The following CHRM1 variants were observed in gnomAD, a reference collection of about 807,000 sequenced individuals.
CHRM1 encodes the protein cholinergic receptor muscarinic 1, also known as muscarinic acetylcholine receptor M1.
A neutral mutation model predicts 31.6 loss-of-function variants in CHRM1; 5 were observed. That is an observed-to-expected ratio of 0.16 (90% CI 0.08 to 0.33). CHRM1 has a LOEUF of 0.33. CHRM1 is among the 10% of genes least tolerant of loss of function. The probability of loss-of-function intolerance (pLI) is 1.00; values close to 1 mark genes in which losing one functional copy is unlikely to be tolerated. For synonymous variants in CHRM1, 227 were observed against 249.7 expected (o/e 0.91, Z 0.86); for missense variants, 338 against 610.3 (o/e 0.55, Z 4.70).
Position 62,909,768 on chromosome 11 carries a change from T to A in CHRM1, c.1333A>T (p.Ile445Phe), listed in dbSNP as rs1291489720. ...CRWDKRRWRKIPKRPGSVHRT... is the reference protein window; with the variant it reads ...CRWDKRRWRKFPKRPGSVHRT... The stretch of plus-strand genomic sequence containing the variant: ...TGCACGGAGCCAGGGCGCTTGGGGA[T>A]CTTGCGCCAGCGTCTCTTGTCCCAG... The change falls in exon 2 of 2, where the codon ATC becomes TTC. Residue 445 changes from isoleucine to phenylalanine, a missense_variant. By Grantham distance (21) the Ile-to-Phe change is conservative. Coordinates refer to ENST00000306960, the MANE Select transcript of CHRM1 (RefSeq NM_000738.3). The A allele has an allele frequency of 4.3e-6, 7 of 1,614,016 alleles. No homozygotes were observed. Among genetic ancestry groups the A allele is most frequent in the Non-Finnish European group, 5.1e-6 (6 of 1,179,976 alleles).
At chr11:62,916,507 G>C (rs2085901137) in intron 1 of CHRM1, among the ~76,000 whole-genome samples, 2 of 152,172 alleles carry the variant, frequency 1.3e-5, no homozygotes, top group Admixed American at 6.5e-5. Flanking sequence ...ACCTCTCCTA[G>C]AGGGGTCCTT....
chr11:62,921,823 C>T (rs900347608), upstream of CHRM1: 1 of 152,360 alleles, frequency 6.6e-6, no homozygotes, highest in Non-Finnish European at 1.5e-5. Flanking sequence ...CGCACCCACC[C>T]ACCCAACTAC....
Position 62,910,579 on chromosome 11 carries a change from T to C in CHRM1, c.522A>G (p.Leu174=). The part of the protein sequence containing the change: ...WQYLVGERTV[L]AGQCYIQFLS... Reference sequence around the variant, plus strand: ...GGAACTGGATGTAGCACTGCCCAGCTAGCACTGTCCGCTCCCCTACCAGGT... The same window carrying C: ...GGAACTGGATGTAGCACTGCCCAGCCAGCACTGTCCGCTCCCCTACCAGGT... The change falls in exon 2 of 2, where the codon CTA becomes CTG. Residue 174 remains leucine (L), a synonymous_variant. Transcript: ENST00000306960. The surrounding 1 kb of genome is among the most constrained non-coding windows in gnomAD (Gnocchi z 8.7). The C allele has an allele frequency of 1.2e-6, 2 of 1,614,166 alleles. No individual in the cohort carries two copies.
At chr11:62,912,212 C>T (rs187508949) in intron 1 of CHRM1, among the ~76,000 whole-genome samples, 73 of 151,764 alleles carry the variant, frequency 4.8e-4, no homozygotes, top group African/African-American at 1.7e-3. Context: ...ACTAAAAATA[C>T]AAAAAATTAG....
intron 1 of CHRM1, among the ~76,000 whole-genome samples, chr11:62,912,085 G>A (rs2085873984): frequency 6.6e-6 from 1 of 152,078 alleles, no homozygotes; most frequent in Non-Finnish European, 1.5e-5. Flanking sequence ...AAGGTCTGGG[G>A]CAGGCCGGCG....
intron 1 of CHRM1, among the ~76,000 whole-genome samples, chr11:62,913,591 A>T (rs912541963): frequency 6.6e-6 from 1 of 151,920 alleles, no homozygotes; most frequent in Non-Finnish European, 1.5e-5. Context: ...GAATTGCTTG[A>T]ACCCAGGAAG....
chr11:62,914,142 C>A (rs923599890), intron 1 of CHRM1, among the ~76,000 whole-genome samples: 12 of 152,062 alleles, frequency 7.9e-5, no homozygotes, highest in African/African-American at 2.9e-4. Flanking sequence ...GACGGGGTTT[C>A]ACAGTGTTAG....
intron 1 of CHRM1, among the ~76,000 whole-genome samples, chr11:62,919,905 T>C (rs78279816): frequency 0.019 from 2,832 of 152,284 alleles, 38 homozygotes; most frequent in Non-Finnish European, 0.028. Flanking sequence ...GAAAGCCTCC[T>C]TTCTAGGTCT....
chr11:62,910,978 T>G lies in CHRM1; in HGVS notation c.123A>C (p.Thr41=). ...TTGLLSLATV[T]GNLLVLISFK... ...AAGAGATGAGTACCAGCAGGTTGCC[T>G]GTCACTGTGGCTAGCGACAGGAGGC... Residue 41 remains threonine (T), a synonymous_variant, in exon 2 of 2, where the codon ACA becomes ACC. Transcript: ENST00000306960. This position sits in a 1 kb window ranked among gnomAD's most constrained non-coding sequence, Gnocchi z 8.7. 1 of 1,614,170 alleles carries G rather than the reference T, an allele frequency of 6.2e-7. No homozygotes were observed. The highest frequency in any genetic ancestry group is 8.5e-7 in the Non-Finnish European group (1 of 1,180,008).
At position 62,912,593 on chromosome 11, in the gene CHRM1, A is replaced by G. The variant is rs563950182; in HGVS notation, c.-78-1415T>C. 7.9e-5 allele frequency among the ~76,000 whole-genome samples: 12 copies of G among 152,298 alleles called. No homozygotes were observed. The East Asian group carries it at 2.3e-3, about 29-fold the overall frequency. On this transcript the variant is annotated intron_variant, in intron 1 of 1. Coordinates refer to ENST00000306960, the MANE Select transcript of CHRM1 (RefSeq NM_000738.3). ...TTTTCTTGGATCTGGAATCTGCTCC[A>G]GGCACTAAGCCTGGGTAAAGAGAAA...
intron 1 of CHRM1, among the ~76,000 whole-genome samples, chr11:62,919,938 T>A (rs945286536): frequency 6.6e-6 from 1 of 152,210 alleles, no homozygotes; most frequent in Non-Finnish European, 1.5e-5. Flanking sequence ...GGTTAGCCCC[T>A]TCTTGACACT....
At chr11:62,915,700 C>T (rs1465365890) in intron 1 of CHRM1, among the ~76,000 whole-genome samples, 1 of 152,144 alleles carries the variant, frequency 6.6e-6, no homozygotes, top group Non-Finnish European at 1.5e-5. Flanking sequence ...AACCAGTCGA[C>T]CTTTCATTCC....
At chr11:62,919,991 C>T (rs1236683944) in intron 1 of CHRM1, among the ~76,000 whole-genome samples, 2 of 152,202 alleles carry the variant, frequency 1.3e-5, no homozygotes, top group Admixed American at 1.3e-4. Flanking sequence ...CTCAGAACTC[C>T]AACCGCCAGC....
chr11:62,912,563 C>T (rs2085877574), intron 1 of CHRM1, among the ~76,000 whole-genome samples: 1 of 152,156 alleles, frequency 6.6e-6, no homozygotes, highest in Non-Finnish European at 1.5e-5. Flanking sequence ...GAAGATCCCC[C>T]AGACTTTTCT....
At position 62,914,744 on chromosome 11, in the gene CHRM1, C is replaced by G. The variant is rs571128699; in HGVS notation, c.-78-3566G>C. On this transcript the variant is annotated intron_variant, in intron 1 of 1. Transcript: ENST00000306960. ...GCCATACTCTCCTGGTAGTTTGGAT[C>G]AGCTCTGTATCCCTGGGCCCTTGGC... Among the ~76,000 whole-genome samples the G allele has an allele frequency of 3.3e-5, 5 of 152,318 alleles. No homozygotes were observed. In the East Asian group the frequency reaches 7.7e-4, roughly 24 times the overall value.
chr11:62,913,196 G>T (rs1039392369), intron 1 of CHRM1, among the ~76,000 whole-genome samples: 2 of 152,124 alleles, frequency 1.3e-5, no homozygotes, highest in African/African-American at 2.4e-5. Flanking sequence ...TATATGCCTA[G>T]GTTTCCTTAA....
intron 1 of CHRM1, 33 bp from the exon 2 acceptor site, chr11:62,911,211 CA>C: frequency 9.7e-7 from 1 of 1,032,226 alleles, no homozygotes; most frequent in African/African-American, 1.6e-5. Flanking sequence ...TTGGTTGGGC[CA>C]CTGGACATTT....
chr11:62,919,597 C>A (rs1241406473), intron 1 of CHRM1, among the ~76,000 whole-genome samples: 1 of 152,028 alleles, frequency 6.6e-6, no homozygotes, highest in Non-Finnish European at 1.5e-5. Flanking sequence ...CATTTCCTTT[C>A]TTCTCTCTCC....
intron 1 of CHRM1, chr11:62,916,840 C>G (rs983920296): frequency 6.6e-6 from 1 of 152,220 alleles, no homozygotes; most frequent in Non-Finnish European, 1.5e-5. Context: ...ACCCCTCTGC[C>G]CCACTTACGC....
Sources: gnomAD v4.1 joint callset for allele counts (sites outside exome capture counted in the v4.1 genomes callset) on GRCh38, gnomAD v4.1.1 for gene constraint, Gnocchi (gnomAD v3.1) non-coding constraint, MANE v1.5 for transcripts, NCBI Gene and HGNC (gene_info 2026-07-23, HGNC 2026-07-21) for gene names.